The following DNAJC5B variants were observed in gnomAD, a reference collection of about 807,000 sequenced individuals.
DNAJC5B encodes DnaJ heat shock protein family (Hsp40) member C5 beta.
DNAJC5B carries 23 observed loss-of-function variants against 24.7 expected under a neutral mutation model. The ratio of observed to expected loss-of-function variants is 0.93; its 90% CI spans 0.67 to 1.32. The LOEUF (loss-of-function observed/expected upper bound fraction) is 1.32. DNAJC5B is among the 40% of genes most tolerant of loss of function. The probability of loss-of-function intolerance (pLI) is 0.00; values close to 1 mark genes in which losing one functional copy is unlikely to be tolerated. For missense variants in DNAJC5B, 238 were observed against 240.8 expected (o/e 0.99, Z 0.08); for synonymous variants, 101 against 90.1 (o/e 1.12, Z -0.68).
At chr8:66,043,835 T>C (rs1161971827) in intron 2 of DNAJC5B, among the ~76,000 whole-genome samples, 3 of 151,200 alleles carry the variant, frequency 2.0e-5, no homozygotes, top group Non-Finnish European at 4.4e-5. Context: ...TTTTTTTTTT[T>C]TTTTCCTTTG....
intron 2 of DNAJC5B, among the ~76,000 whole-genome samples, chr8:66,049,209 ACAT>A (rs971454951): frequency 2.0e-5 from 3 of 152,230 alleles, no homozygotes; most frequent in African/African-American, 7.2e-5. Context: ...TTGCCTAGTG[ACAT>A]CATAGTTGTC....
chr8:66,076,479 A>G (rs1311110522), intron 3 of DNAJC5B, among the ~76,000 whole-genome samples, 181 bp from the exon 4 acceptor site: 1 of 152,210 alleles, frequency 6.6e-6, no homozygotes, highest in Non-Finnish European at 1.5e-5. Flanking sequence ...GCGCCTGTGC[A>G]TTCGAACCAA....
Position 66,064,038 on chromosome 8 carries a change from A to G in DNAJC5B, c.119+12372A>G, listed in dbSNP as rs192771505. ...CTTCTTGGGGGTGAAACAGGAAATC[A>G]GAATGATTAAGAAATTGAGTAAGAT... On this transcript the variant is annotated intron_variant, in intron 3 of 5. Coordinates refer to ENST00000276570, the MANE Select transcript of DNAJC5B (RefSeq NM_033105.6). Among the ~76,000 whole-genome samples, 159 of 152,334 alleles carry G rather than the reference A, an allele frequency of 1.0e-3. 2 individuals are homozygous for G. Among genetic ancestry groups the G allele is most frequent in the Non-Finnish European group, 1.0e-3 (68 of 68,046 alleles).
At chr8:66,015,340 TG>T in the DNAJC5B span, among the ~76,000 whole-genome samples, 1 of 152,226 alleles carries the variant, frequency 6.6e-6, no homozygotes, top group Admixed American at 6.5e-5. Context: ...TGTGTTCTTT[TG>T]TCTCCTCCTT....
At chr8:66,065,370 G>A (rs1270272753) in intron 3 of DNAJC5B, among the ~76,000 whole-genome samples, 1 of 152,194 alleles carries the variant, frequency 6.6e-6, no homozygotes, top group Non-Finnish European at 1.5e-5. Context: ...GGGCCTTGCT[G>A]GTCAAAGTAC....
At position 66,076,712 on chromosome 8, in the gene DNAJC5B, A is replaced by G; in HGVS notation, c.172A>G (p.Thr58Ala). The G allele has an allele frequency of 6.2e-7, 1 of 1,614,186 alleles. No individual in the cohort carries two copies. The highest frequency in any genetic ancestry group is 8.5e-7 in the Non-Finnish European group (1 of 1,180,024). Residue 58 changes from threonine to alanine, a missense_variant, in exon 4 of 6, where the codon ACT becomes GCT. Coordinates refer to ENST00000276570, the MANE Select transcript of DNAJC5B (RefSeq NM_033105.6). ...CAAGAATCCAGATGATCCAGCTGCT[A>G]CTGAGAAGTTTAAAGAAATCAACAA... ...PDKNPDDPAATEKFKEINNAH... is the reference protein window; with the variant it reads ...PDKNPDDPAAAEKFKEINNAH...
chr8:66,058,553 G>A (rs74812207), intron 3 of DNAJC5B, among the ~76,000 whole-genome samples: 2,753 of 152,284 alleles, frequency 0.018, 57 homozygotes, highest in African/African-American at 0.054. Context: ...GGACGGGAAA[G>A]GGACAGTGTT....
At chr8:66,069,865 A>G (rs1025036430) in intron 3 of DNAJC5B, among the ~76,000 whole-genome samples, 1 of 152,150 alleles carries the variant, frequency 6.6e-6, no homozygotes, top group African/African-American at 2.4e-5. Flanking sequence ...TCCATCACGA[A>G]CAAGTTGGCT....
intron 3 of DNAJC5B, among the ~76,000 whole-genome samples, chr8:66,076,197 A>C (rs1285940173): frequency 6.6e-6 from 1 of 152,222 alleles, no homozygotes; most frequent in Non-Finnish European, 1.5e-5. Context: ...AATTTTGTTC[A>C]AGAGAGACTT....
At chr8:66,073,756 T>C (rs1807403162) in intron 3 of DNAJC5B, among the ~76,000 whole-genome samples, 1 of 152,164 alleles carries the variant, frequency 6.6e-6, no homozygotes, top group African/African-American at 2.4e-5. Flanking sequence ...TAAATGGTGC[T>C]ACAAGAGTGG....
At position 66,100,036 on chromosome 8, in the gene DNAJC5B, G is replaced by T. The variant is rs1257617224; in HGVS notation, c.*5G>T. On this transcript the variant is annotated 3_prime_UTR_variant, in exon 6 of 6. Coordinates refer to ENST00000276570, the MANE Select transcript of DNAJC5B (RefSeq NM_033105.6). ...AGTTATTGCACAGACTCTTGATATT[G>T]AGCCCTCAGAGAGTCCACAGTCCCT... 3 of 1,612,902 alleles carry T rather than the reference G, an allele frequency of 1.9e-6. No homozygotes were observed. The highest frequency in any genetic ancestry group is 1.1e-5 in the South Asian group (1 of 90,940).
At chr8:66,099,315 T>G (rs910764578) in intron 5 of DNAJC5B, among the ~76,000 whole-genome samples, 11 of 152,228 alleles carry the variant, frequency 7.2e-5, no homozygotes, top group African/African-American at 2.7e-4. Flanking sequence ...TGGGGCAGCT[T>G]TCTCAACTCA....
At chr8:66,044,516 C>T (rs1054870792) in intron 2 of DNAJC5B, among the ~76,000 whole-genome samples, 31 of 151,650 alleles carry the variant, frequency 2.0e-4, no homozygotes, top group Non-Finnish European at 4.1e-4. Context: ...AGATTTAGAA[C>T]CACACCCGTA....
chr8:66,071,181 C>T (rs1164161038), intron 3 of DNAJC5B, among the ~76,000 whole-genome samples: 1 of 152,134 alleles, frequency 6.6e-6, no homozygotes, highest in African/African-American at 2.4e-5. Context: ...GCAATGGCAA[C>T]AAAAGCCAAA....
intron 1 of DNAJC5B, among the ~76,000 whole-genome samples, chr8:66,022,416 C>T (rs1301575099): frequency 6.6e-6 from 1 of 152,218 alleles, no homozygotes; most frequent in South Asian, 2.1e-4. Flanking sequence ...CCCATGTGGA[C>T]TCCCTTGGGT....
chr8:66,048,669 T>C (rs926606221), intron 2 of DNAJC5B, among the ~76,000 whole-genome samples: 18 of 152,084 alleles, frequency 1.2e-4, no homozygotes, highest in Non-Finnish European at 2.1e-4. Flanking sequence ...TGTTGATATA[T>C]GCAAATAGAT....
At chr8:66,047,146 C>T (rs189769409) in intron 2 of DNAJC5B, among the ~76,000 whole-genome samples, 1 of 152,324 alleles carries the variant, frequency 6.6e-6, no homozygotes, top group East Asian at 1.9e-4. Flanking sequence ...CAAAAGGAGA[C>T]TTGACAGCAT....
At chr8:66,084,999 T>G (rs4628244) in intron 5 of DNAJC5B, among the ~76,000 whole-genome samples, 14,721 of 152,200 alleles carry the variant, frequency 0.097, 1,124 homozygotes, top group East Asian at 0.31. Context: ...AGGTGTGAGG[T>G]TTAGGTTCAG....
At position 66,072,754 on chromosome 8, in the gene DNAJC5B, T is replaced by C. The variant is rs1807377383; in HGVS notation, c.120-3906T>C. ...AAAATAGCACTTAGAGGAAAATTTA[T>C]AGAGTTTAATGCACATATTAGAAAA... On this transcript the variant is annotated intron_variant, in intron 3 of 5. Coordinates refer to ENST00000276570, the MANE Select transcript of DNAJC5B (RefSeq NM_033105.6). Among the ~76,000 whole-genome samples the C allele has an allele frequency of 2.0e-5, 3 of 152,326 alleles. No homozygotes were observed. In the South Asian group the frequency reaches 6.2e-4, roughly 32 times the overall value.
Sources: allele counts gnomAD v4.1 joint callset (sites outside exome capture counted in the v4.1 genomes callset), GRCh38; gene constraint gnomAD v4.1.1; transcripts MANE v1.5; gene names NCBI Gene and HGNC (gene_info 2026-07-23, HGNC 2026-07-21).